The following PPP1R8 variants were observed in gnomAD, a reference collection of about 807,000 sequenced individuals.
The protein encoded by PPP1R8 is protein phosphatase 1 regulatory subunit 8.
PPP1R8 carries 4 observed loss-of-function variants against 31.3 expected under a neutral mutation model. That is an observed-to-expected ratio of 0.13 (90% CI 0.06 to 0.29). The LOEUF is 0.29. PPP1R8 is among the 10% of genes least tolerant of loss of function. PPP1R8 has a pLI of 1.00. For synonymous variants in PPP1R8, 170 were observed against 169.7 expected (o/e 1.00, Z -0.01); for missense variants, 254 against 440.1 (o/e 0.58, Z 3.78).
chr1:27,840,307 T>C (rs1273146851), intron 3 of PPP1R8, among the ~76,000 whole-genome samples: 1 of 152,192 alleles, frequency 6.6e-6, no homozygotes, highest in Non-Finnish European at 1.5e-5. Flanking sequence ...CGCAGAAACA[T>C]ACACTCACAC....
intron 5 of PPP1R8, 57 bp from the exon 6 acceptor site, chr1:27,846,971 G>A (rs2089287430): frequency 6.4e-6 from 9 of 1,402,578 alleles, no homozygotes; most frequent in Admixed American, 1.7e-5. Flanking sequence ...TGACTCCTGT[G>A]CCCTTATTCC....
chr1:27,845,783 C>CTTTCTTTTT (rs1213199027), intron 5 of PPP1R8, among the ~76,000 whole-genome samples: 15 of 91,820 alleles, frequency 1.6e-4, no homozygotes, highest in African/African-American at 7.5e-4. Flanking sequence ...TTCTTTCTTT[C>CTTTCTTTTT]TTTTTTTTTT....
intron 2 of PPP1R8, among the ~76,000 whole-genome samples, chr1:27,837,347 T>C (rs1440813065): frequency 1.4e-5 from 2 of 145,418 alleles, no homozygotes; most frequent in Admixed American, 1.4e-4. Flanking sequence ...AGGAGAATGG[T>C]GTGAACCCGG....
At chr1:27,833,936 G>A (rs78797610) in intron 2 of PPP1R8, among the ~76,000 whole-genome samples, 1 of 152,164 alleles carries the variant, frequency 6.6e-6, no homozygotes, top group Non-Finnish European at 1.5e-5. Flanking sequence ...GTCACAGAGA[G>A]CCCCTTTGTC....
chr1:27,839,569 A>C (rs2089203174), intron 3 of PPP1R8, among the ~76,000 whole-genome samples: 1 of 152,148 alleles, frequency 6.6e-6, no homozygotes, highest in Admixed American at 6.6e-5. Flanking sequence ...GGAACTAGGG[A>C]CCATGTGTGT....
intron 6 of PPP1R8, among the ~76,000 whole-genome samples, 172 bp downstream of exon 6, chr1:27,847,264 T>C (rs772566710): frequency 6.6e-6 from 1 of 152,100 alleles, no homozygotes; most frequent in Non-Finnish European, 1.5e-5. Flanking sequence ...CCCAGCACTT[T>C]GGGAGGCCAA....
At chr1:27,831,444 C>T (rs965601511) in intron 1 of PPP1R8, 1 of 753,434 alleles carries the variant, frequency 1.3e-6, no homozygotes, top group Non-Finnish European at 1.6e-6. Context: ...TTGGCATGAA[C>T]CCTTTTTATC....
chr1:27,838,438 TGAG>T (rs1249705657), intron 2 of PPP1R8, among the ~76,000 whole-genome samples: 2 of 152,158 alleles, frequency 1.3e-5, no homozygotes, highest in Non-Finnish European at 2.9e-5. Flanking sequence ...AACACTACAT[TGAG>T]GAGATGAATT....
intron 2 of PPP1R8, among the ~76,000 whole-genome samples, chr1:27,836,207 AAC>A (rs1008703163): frequency 6.6e-6 from 1 of 152,176 alleles, no homozygotes; most frequent in African/African-American, 2.4e-5. Context: ...TTAAAGGAAA[AAC>A]ACAACATACC....
intron 4 of PPP1R8, 83 bp downstream of exon 4, chr1:27,841,317 C>A (rs2089220655): frequency 7.0e-7 from 1 of 1,436,102 alleles, no homozygotes. Context: ...GCTGGAAATG[C>A]CAGTGACTTA....
Position 27,850,472 on chromosome 1 carries a change from G to GGGGT in PPP1R8, c.*26_*27insGGGT. The GGGGT allele has an allele frequency of 2.1e-6, 1 of 477,672 alleles. No individual in the cohort carries two copies. Among genetic ancestry groups the GGGGT allele is most frequent in the East Asian group, 5.8e-5 (1 of 17,246 alleles). 29.6% of individuals were successfully genotyped at this position (477,672 alleles called of 1,614,324 possible). On this transcript the variant is annotated 3_prime_UTR_variant, in exon 7 of 7. Coordinates refer to ENST00000311772, the MANE Select transcript of PPP1R8 (RefSeq NM_014110.5). Reference sequence around the variant, plus strand: ...TATTTTTGGTCATGGAGAAGGGTGGGATTGGGTGGGAATGGGGTGGAAGGG... The same window carrying GGGGT: ...TATTTTTGGTCATGGAGAAGGGTGGGGGGTATTGGGTGGGAATGGGGTGGAAGGG...
intron 4 of PPP1R8, among the ~76,000 whole-genome samples, chr1:27,841,905 T>G (rs768427266): frequency 6.6e-6 from 1 of 152,246 alleles, no homozygotes; most frequent in Non-Finnish European, 1.5e-5. Flanking sequence ...CTATAGTCCT[T>G]TACATAGCTG....
At chr1:27,832,536 A>G (rs1174845886) in intron 1 of PPP1R8, among the ~76,000 whole-genome samples, 1 of 152,214 alleles carries the variant, frequency 6.6e-6, no homozygotes, top group Non-Finnish European at 1.5e-5. Context: ...TGCTCTAAAT[A>G]CAGATCTACT....
At chr1:27,843,481 AC>A in intron 5 of PPP1R8, 151 bp downstream of exon 5, 1 of 922,256 alleles carries the variant, frequency 1.1e-6, no homozygotes, top group African/African-American at 1.7e-5. Flanking sequence ...ACAAGGTGAA[AC>A]CCCATCTCTA....
Position 27,843,174 on chromosome 1 carries a change from A to G in PPP1R8, c.493-12A>G. ...ACTGACTGCTGTCTTTCCTGTATGA[A>G]CCCTGGCTTAGAACCTGACAGAGTT... is the stretch of plus-strand genomic sequence containing the variant. On this transcript the variant is annotated splice_polypyrimidine_tract_variant and intron_variant, in intron 4 of 6. Transcript: ENST00000311772. 6.2e-7 allele frequency: 1 copy of G among 1,613,824 alleles called. No individual in the cohort carries two copies. Among genetic ancestry groups the G allele is most frequent in the Non-Finnish European group, 8.5e-7 (1 of 1,179,964 alleles).
intron 2 of PPP1R8, among the ~76,000 whole-genome samples, chr1:27,837,516 C>A (rs186794081): frequency 2.2e-4 from 33 of 151,822 alleles, no homozygotes; most frequent in Admixed American, 8.5e-4. Context: ...GCGGTTGGCT[C>A]ATGCTTGTAA....
intron 2 of PPP1R8, chr1:27,834,703 A>G (rs2089145418): frequency 3.0e-6 from 1 of 337,722 alleles, no homozygotes; most frequent in Non-Finnish European, 5.9e-6. Flanking sequence ...TCTAAGACAT[A>G]CTGTTTTCTG....
At chr1:27,839,430 A>C (rs1403175905) in intron 3 of PPP1R8, among the ~76,000 whole-genome samples, 1 of 152,152 alleles carries the variant, frequency 6.6e-6, no homozygotes, top group African/African-American at 2.4e-5. Flanking sequence ...TGGGAGGCTG[A>C]GGCAGGAGAA....
chr1:27,832,939 T>C, intron 2 of PPP1R8, 123 bp downstream of exon 2: 1 of 821,218 alleles, frequency 1.2e-6, no homozygotes, highest in Non-Finnish European at 1.9e-6. Context: ...CATCCTGATT[T>C]TTTTTTTCTG....
Sources: allele counts gnomAD v4.1 joint callset (sites outside exome capture counted in the v4.1 genomes callset), GRCh38; gene constraint gnomAD v4.1.1; transcripts MANE v1.5; gene names NCBI Gene and HGNC (gene_info 2026-07-23, HGNC 2026-07-21).